NUBPL: variants seen among roughly 807,000 people sequenced by gnomAD.
The protein encoded by NUBPL is NUBP iron-sulfur cluster assembly factor, mitochondrial, also known as iron-sulfur cluster transfer protein NUBPL.
In NUBPL, 31 loss-of-function variants were observed where a neutral mutation model predicts 45.7. The ratio of observed to expected loss-of-function variants is 0.68; its 90% CI spans 0.51 to 0.92. The LOEUF is 0.92. Among genes scored for constraint, NUBPL ranks in the 40% least tolerant of loss-of-function variants. The pLI is 0.00. For synonymous variants in NUBPL, 144 were observed against 140.9 expected (o/e 1.02, Z -0.15); for missense variants, 401 against 398.7 (o/e 1.01, Z -0.05).
chr14:31,718,616 A>G (rs943356113), intron 6 of NUBPL, among the ~76,000 whole-genome samples: 5 of 152,194 alleles, frequency 3.3e-5, no homozygotes, highest in Non-Finnish European at 5.9e-5. Flanking sequence ...GAGGGGAGTT[A>G]TTACATTACT....
At chr14:31,662,878 T>G (rs2036308500) in intron 4 of NUBPL, among the ~76,000 whole-genome samples, 1 of 152,246 alleles carries the variant, frequency 6.6e-6, no homozygotes, top group Non-Finnish European at 1.5e-5. Flanking sequence ...AACATTTCTA[T>G]GTCTCCACAT....
At chr14:31,655,416 A>G (rs904588240) in intron 4 of NUBPL, among the ~76,000 whole-genome samples, 3 of 152,146 alleles carry the variant, frequency 2.0e-5, no homozygotes, top group African/African-American at 7.2e-5. Context: ...GAGCAGTAAT[A>G]TTTTGAAAGG....
chr14:31,850,029 T>G, intron 9 of NUBPL, 90 bp from the exon 10 acceptor site: 7 of 927,126 alleles, frequency 7.6e-6, no homozygotes, highest in Non-Finnish European at 8.8e-6. Flanking sequence ...TTAGTTCCGA[T>G]TTTGTTTCTT....
chr14:31,730,448 G>C lies in NUBPL; in HGVS notation c.513+56874G>C, dbSNP rs143508837. ...TGCAAGACAACTTTCATCATCATCT[G>C]CTGGATCAAGTAATCTTTTTTTTTT... On this transcript the variant is annotated intron_variant, in intron 6 of 10. Transcript: ENST00000281081. Among the ~76,000 whole-genome samples the C allele has an allele frequency of 5.3e-5, 8 of 151,694 alleles. No individual in the cohort carries two copies. In the East Asian group the frequency reaches 1.6e-3, roughly 29 times the overall value.
At chr14:31,566,574 T>C (rs1316214862) in intron 3 of NUBPL, among the ~76,000 whole-genome samples, 4 of 152,138 alleles carry the variant, frequency 2.6e-5, no homozygotes, top group Non-Finnish European at 5.9e-5. Context: ...AGTCCTTATA[T>C]GGTTTGGTAG....
At chr14:31,681,970 A>C (rs1294205999) in intron 6 of NUBPL, among the ~76,000 whole-genome samples, 1 of 152,168 alleles carries the variant, frequency 6.6e-6, no homozygotes, top group Admixed American at 6.5e-5. Flanking sequence ...ATCTTTGTGA[A>C]TATTTCATAC....
At chr14:31,608,171 A>G (rs1054977728) in intron 4 of NUBPL, among the ~76,000 whole-genome samples, 15 of 152,228 alleles carry the variant, frequency 9.9e-5, no homozygotes, top group African/African-American at 3.1e-4. Context: ...AAGAAGAAAT[A>G]AAGACTTTCC....
At chr14:31,769,135 T>C (rs138587106) in intron 6 of NUBPL, among the ~76,000 whole-genome samples, 39 of 152,256 alleles carry the variant, frequency 2.6e-4, no homozygotes, top group African/African-American at 7.5e-4. Flanking sequence ...TGTTAAGCTA[T>C]AGGGTATGGG....
At chr14:31,735,579 C>G (rs1327037886) in intron 6 of NUBPL, among the ~76,000 whole-genome samples, 2 of 152,124 alleles carry the variant, frequency 1.3e-5, no homozygotes, top group African/African-American at 4.8e-5. Flanking sequence ...AATGGCCAGG[C>G]GCGGTGGCTC....
chr14:31,584,418 C>A (rs933053616), intron 3 of NUBPL, among the ~76,000 whole-genome samples: 2 of 152,204 alleles, frequency 1.3e-5, no homozygotes, highest in Admixed American at 6.5e-5. Context: ...AGCCATTGCA[C>A]CTGACCCCCA....
chr14:31,614,520 A>T (rs1047601992), intron 4 of NUBPL, among the ~76,000 whole-genome samples: 4 of 151,956 alleles, frequency 2.6e-5, no homozygotes, highest in African/African-American at 4.8e-5. Context: ...AGTAGAACAT[A>T]TTTTTAATTT....
chr14:31,645,775 C>CCG (rs1555323284), intron 4 of NUBPL, among the ~76,000 whole-genome samples: 1 of 42,028 alleles, frequency 2.4e-5, no homozygotes, highest in Non-Finnish European at 5.2e-5. Flanking sequence ...ATACTTTACA[C>CCG]CCCCCCCCCC....
chr14:31,781,609 T>C (rs2039192377), intron 6 of NUBPL, among the ~76,000 whole-genome samples: 1 of 152,224 alleles, frequency 6.6e-6, no homozygotes, highest in African/African-American at 2.4e-5. Flanking sequence ...AGGAGCAAAT[T>C]GATGTCTTAA....
chr14:31,605,804 C>G, intron 4 of NUBPL, among the ~76,000 whole-genome samples: 1 of 146,482 alleles, frequency 6.8e-6, no homozygotes, highest in Admixed American at 6.8e-5. Context: ...TCCTCCTCCT[C>G]TTCCTCCTCC....
At chr14:31,787,973 A>G (rs2039314084) in intron 7 of NUBPL, 100 bp downstream of exon 7, 6 of 747,808 alleles carry the variant, frequency 8.0e-6, no homozygotes, top group Non-Finnish European at 1.4e-5. Context: ...TTTGCCTTAA[A>G]AATATTCATT....
At chr14:31,695,333 A>G (rs1301504231) in intron 6 of NUBPL, among the ~76,000 whole-genome samples, 1 of 139,508 alleles carries the variant, frequency 7.2e-6, no homozygotes, top group Non-Finnish European at 1.5e-5. Flanking sequence ...GTTTTTGAGT[A>G]TTGTAGTGTT....
intron 6 of NUBPL, among the ~76,000 whole-genome samples, chr14:31,697,537 A>G (rs1270134386): frequency 6.6e-6 from 1 of 152,210 alleles, no homozygotes; most frequent in Non-Finnish European, 1.5e-5. Flanking sequence ...TGTGTTAATC[A>G]ATATTTATTC....
At chr14:31,596,968 A>G (rs2034300343) in intron 3 of NUBPL, among the ~76,000 whole-genome samples, 1 of 152,164 alleles carries the variant, frequency 6.6e-6, no homozygotes, top group Admixed American at 6.5e-5. Flanking sequence ...GTATGTTTTT[A>G]TAGGTTCTGA....
intron 3 of NUBPL, among the ~76,000 whole-genome samples, chr14:31,571,021 T>G (rs2033567315): frequency 1.3e-5 from 2 of 152,372 alleles, no homozygotes; most frequent in East Asian, 1.9e-4. Flanking sequence ...TCTACCTTTC[T>G]GGGTTTATCT....
Sources: gnomAD v4.1 joint callset for allele counts (sites outside exome capture counted in the v4.1 genomes callset) on GRCh38, gnomAD v4.1.1 for gene constraint, MANE v1.5 for transcripts, NCBI Gene and HGNC (gene_info 2026-07-23, HGNC 2026-07-21) for gene names.